Variants in CBR4 observed in about 807,000 individuals in gnomAD.
CBR4 encodes 3-oxoacyl-[acyl-carrier-protein] reductase.
Under a neutral mutation model 21.0 loss-of-function variants are expected in CBR4, and 22 were observed. The observed-to-expected ratio is 1.05, with a 90% CI of 0.75 to 1.50. CBR4 has a LOEUF of 1.50. Among genes scored for constraint, CBR4 ranks in the 40% most tolerant of loss-of-function variants. The pLI, the probability that CBR4 is intolerant of heterozygous loss-of-function variation, is 0.00. For missense variants in CBR4, 302 were observed against 286.3 expected (o/e 1.05, Z -0.40); for synonymous variants, 100 against 104.4 (o/e 0.96, Z 0.26).
chr4:168,992,500 T>C (rs999715620), intron 4 of CBR4, among the ~76,000 whole-genome samples: 1 of 152,122 alleles, frequency 6.6e-6, no homozygotes, highest in Non-Finnish European at 1.5e-5. Flanking sequence ...TTTGTATTTA[T>C]ACAAATAAAT....
intron 2 of CBR4, chr4:168,904,113 A>C (rs991193878): frequency 4.0e-5 from 23 of 572,488 alleles, no homozygotes; most frequent in Non-Finnish European, 5.9e-5. Context: ...GTGTTATTCT[A>C]CTCCTTCCAC....
At chr4:168,917,049 GT>G (rs1190179892) in intron 2 of CBR4, among the ~76,000 whole-genome samples, 1,791 of 124,826 alleles carry the variant, frequency 0.014, 26 homozygotes, top group East Asian at 0.043. Flanking sequence ...TTTTTTTGGG[GT>G]TTTTTTTTTT....
chr4:168,925,396 C>CTTAT, intron 2 of CBR4: 1 of 787,686 alleles, frequency 1.3e-6, no homozygotes, highest in Non-Finnish European at 2.3e-6. Flanking sequence ...TAGGCAAAGG[C>CTTAT]ATAACCATGT....
At chr4:168,979,423 T>G (rs1215047578) in intron 2 of CBR4, among the ~76,000 whole-genome samples, 2 of 152,202 alleles carry the variant, frequency 1.3e-5, no homozygotes, top group African/African-American at 4.8e-5. Flanking sequence ...CCTGTCCATG[T>G]GCTACTCCTT....
At position 169,010,111 on chromosome 4, in the gene CBR4, G is replaced by T; in HGVS notation, c.-22C>A. 3 of 1,584,500 alleles carry T rather than the reference G, an allele frequency of 1.9e-6. No homozygotes were observed. Among genetic ancestry groups the T allele is most frequent in the Non-Finnish European group, 2.6e-6 (3 of 1,163,638 alleles). On this transcript the variant is annotated 5_prime_UTR_variant, in exon 1 of 5. Coordinates refer to ENST00000306193, the MANE Select transcript of CBR4 (RefSeq NM_032783.5). ...CCATCTCGGAGTCACAAACTCGGAG[G>T]AAAGAGGGTAGGGAGTGGGAGCCCC...
intron 2 of CBR4, among the ~76,000 whole-genome samples, chr4:168,930,770 C>T (rs1474529034): frequency 6.6e-6 from 1 of 152,140 alleles, no homozygotes; most frequent in Non-Finnish European, 1.5e-5. Context: ...CTTTCCTTTG[C>T]TGGGAAAACG....
At chr4:168,953,953 G>A (rs1179792481) in intron 2 of CBR4, among the ~76,000 whole-genome samples, 1 of 152,078 alleles carries the variant, frequency 6.6e-6, no homozygotes, top group African/African-American at 2.4e-5. Flanking sequence ...GGAATATTTA[G>A]AAAAGGAACT....
chr4:168,898,670 C>T lies in CBR4; in HGVS notation n.170-3905G>A, dbSNP rs1755797976. 1.9e-6 allele frequency: 3 copies of T among 1,613,828 alleles called. No individual in the cohort carries two copies. The highest frequency in any genetic ancestry group is 1.7e-6 in the Non-Finnish European group (2 of 1,179,884). ...ACATTACAAGATCTTTGAGGGAATG[C>T]CAGTAACTTTCACATGTAGAGTGGC... On this transcript the variant is annotated intron_variant and non_coding_transcript_variant, in intron 2 of 3. Transcript: ENST00000509108.
At chr4:168,910,333 TCAC>T (rs1758672394) in intron 2 of CBR4, among the ~76,000 whole-genome samples, 1 of 150,244 alleles carries the variant, frequency 6.7e-6, no homozygotes, top group Non-Finnish European at 1.5e-5. Context: ...AATGCAGCCA[TCAC>T]ACTAACAAGT....
chr4:168,915,804 A>AC, intron 2 of CBR4: 1 of 952,728 alleles, frequency 1.0e-6, no homozygotes, highest in Non-Finnish European at 1.7e-6. Flanking sequence ...TCATATTATT[A>AC]CCCCATGTAT....
intron 3 of CBR4, chr4:169,006,024 C>T (rs892749780): frequency 6.3e-6 from 4 of 631,060 alleles, no homozygotes; most frequent in Non-Finnish European, 1.0e-5. Flanking sequence ...GTTCTACAGG[C>T]ATATACTCCA....
chr4:168,934,273 C>CAAAA (rs1206272373), intron 2 of CBR4, among the ~76,000 whole-genome samples: 3 of 10,670 alleles, frequency 2.8e-4, no homozygotes, highest in Non-Finnish European at 3.9e-4. Context: ...ACTAGAAAAG[C>CAAAA]AAAAAAAACA....
chr4:168,898,856 G>A, intron 2 of CBR4: 1 of 715,396 alleles, frequency 1.4e-6, no homozygotes, highest in South Asian at 1.6e-5. Context: ...ATATTCTTAA[G>A]TTCTGGGCCA....
intron 2 of CBR4, among the ~76,000 whole-genome samples, chr4:168,931,906 C>T (rs569655720): frequency 2.0e-5 from 3 of 151,724 alleles, no homozygotes; most frequent in South Asian, 4.2e-4. Context: ...AACACACCCC[C>T]CCTAACTGAC....
At position 168,958,673 on chromosome 4, in the gene CBR4, C is replaced by T. The variant is rs573994783; in HGVS notation, n.169+43398G>A. Among the ~76,000 whole-genome samples the T allele has an allele frequency of 5.3e-5, 8 of 152,242 alleles. No homozygotes were observed. In the East Asian group the frequency reaches 5.8e-4, roughly 11 times the overall value. ...AGTTTGTAACATTTTACATTCCCAC[C>T]GGCAACAAAGTTCTAGTTGCTCCAT... On this transcript the variant is annotated intron_variant and non_coding_transcript_variant, in intron 2 of 3. Coordinates refer to the CBR4 transcript ENST00000509108.
chr4:168,963,778 A>G (rs1188322965), intron 2 of CBR4, among the ~76,000 whole-genome samples: 1 of 152,136 alleles, frequency 6.6e-6, no homozygotes, highest in Non-Finnish European at 1.5e-5. Flanking sequence ...TGTATAAACT[A>G]TTAATAGCTA....
intron 2 of CBR4, among the ~76,000 whole-genome samples, chr4:168,964,146 G>T (rs1003983698): frequency 2.0e-5 from 3 of 152,162 alleles, no homozygotes; most frequent in African/African-American, 7.2e-5. Flanking sequence ...AATGGCATCT[G>T]AGCCATCACA....
At position 168,936,935 on chromosome 4, in the gene CBR4, A is replaced by C. The variant is rs560243480; in HGVS notation, n.170-42170T>G. Among the ~76,000 whole-genome samples the C allele has an allele frequency of 3.3e-5, 5 of 152,300 alleles. No homozygotes were observed. In the East Asian group the frequency reaches 7.7e-4, roughly 24 times the overall value. ...CATTCAAATTCAGGAAATACAGAGA[A>C]AACAAAGATACTCCTCGAGAAGAGC... is the stretch of plus-strand genomic sequence containing the variant. On this transcript the variant is annotated intron_variant and non_coding_transcript_variant, in intron 2 of 3. Coordinates refer to the CBR4 transcript ENST00000509108.
At chr4:168,905,409 A>C (rs927125980) in intron 2 of CBR4, among the ~76,000 whole-genome samples, 8 of 151,476 alleles carry the variant, frequency 5.3e-5, no homozygotes, top group Admixed American at 2.0e-4. Flanking sequence ...CGGCCTCCCA[A>C]AGTGTTAGCA....
Sources: allele counts gnomAD v4.1 joint callset (sites outside exome capture counted in the v4.1 genomes callset), GRCh38; gene constraint gnomAD v4.1.1; transcripts MANE v1.5; gene names NCBI Gene and HGNC (gene_info 2026-07-23, HGNC 2026-07-21).